Variants in TMEM128 observed in about 807,000 individuals in gnomAD.
The protein encoded by TMEM128 is transmembrane protein 128.
In TMEM128, 16 loss-of-function variants were observed where a neutral mutation model predicts 19.7. That is an observed-to-expected ratio of 0.81 (90% CI 0.55 to 1.23). The LOEUF is 1.23. TMEM128 is among the 50% of genes most tolerant of loss of function. TMEM128 has a pLI of 0.00. For synonymous variants in TMEM128, 98 were observed against 75.8 expected (o/e 1.29, Z -1.52); for missense variants, 237 against 200.8 (o/e 1.18, Z -1.09).
intron 3 of TMEM128, among the ~76,000 whole-genome samples, chr4:4,240,088 A>T (rs1717886328): frequency 6.6e-6 from 1 of 152,246 alleles, no homozygotes; most frequent in African/African-American, 2.4e-5. Context: ...AGATTTAAAA[A>T]GCAAAATGCA....
At chr4:4,246,151 C>T in intron 2 of TMEM128, 51 bp downstream of exon 2, 16 of 1,550,458 alleles carry the variant, frequency 1.0e-5, no homozygotes, top group Non-Finnish European at 1.4e-5. Context: ...CAAAATATAA[C>T]ACGAAAAATC....
In TMEM128 at chr4:4,236,078, T is replaced by C. The variant is rs1429661830; in HGVS notation, c.*188A>G. On this transcript the variant is annotated 3_prime_UTR_variant, in exon 5 of 5. Transcript: ENST00000382753. The stretch of plus-strand genomic sequence containing the variant: ...CTGCAAAAACACACTGTAGCTTTTC[T>C]GTTAGGGTCTGCCATGCTTTCAGCT... 6.6e-6 allele frequency: 1 copy of C among 152,206 alleles called. No individual in the cohort carries two copies. The allele number at this position is 152,206 out of a possible 1,614,324, so 9.4% of individuals were successfully genotyped here.
At position 4,248,172 on chromosome 4, in the gene TMEM128, G is replaced by A. The variant is rs962520831; in HGVS notation, c.31C>T (p.Arg11Trp). 9.1e-6 allele frequency: 14 copies of A among 1,532,154 alleles called. No homozygotes were observed. In the African/African-American group the frequency reaches 1.7e-4, roughly 18 times the overall value. The allele number at this position is 1,532,154 out of a possible 1,614,324, so 94.9% of individuals were successfully genotyped here. A position where few individuals can be genotyped will look rare whatever the true frequency, so the allele number is the denominator to read the frequency against. MDSSRARQQL[R>W]RRFLLLPDAE... ...TCCGGCAGGAGGAGGAATCGCCGCC[G>A]GAGCTGCTGCCGGGCCCGCGAGGAG... Residue 11 changes from arginine (R) to tryptophan (W), a missense_variant, in exon 1 of 5, where the codon CGG (arginine) becomes TGG (tryptophan). Coordinates refer to ENST00000382753, the MANE Select transcript of TMEM128 (RefSeq NM_001297551.2).
Position 4,245,203 on chromosome 4 carries a change from G to T in TMEM128, c.239+999C>A, listed in dbSNP as rs57584677. On this transcript the variant is annotated intron_variant, in intron 2 of 4. Transcript: ENST00000382753. ...CTCTCCCTTCCATTTCTTATCCAAG[G>T]GTCTCCACATCACTCTCCAATGTGC... Among the ~76,000 whole-genome samples the T allele has an allele frequency of 3.0e-3, 449 of 152,062 alleles. 1 individual carries two copies. Among genetic ancestry groups the T allele is most frequent in the African/African-American group, 0.01 (420 of 41,478 alleles).
chr4:4,238,832 A>G (rs1200550225), intron 3 of TMEM128, among the ~76,000 whole-genome samples: 1 of 152,196 alleles, frequency 6.6e-6, no homozygotes, highest in East Asian at 1.9e-4. Flanking sequence ...CAGGAGTTTG[A>G]GACCTGCCTG....
rs1717711642 is a variant in TMEM128 at position 4,236,200 on chromosome 4, G to A, written c.*66C>T. The A allele has an allele frequency of 6.7e-6, 1 of 150,322 alleles. No individual in the cohort carries two copies. The highest frequency in any genetic ancestry group is 2.1e-4 in the South Asian group (1 of 4,790). 9.3% of individuals were successfully genotyped at this position (150,322 alleles called of 1,614,324 possible). A position where few individuals can be genotyped will look rare whatever the true frequency, so the allele number is the denominator to read the frequency against. The stretch of plus-strand genomic sequence containing the variant: ...AACTACTTCGAAGGCTGAGGCAGGA[G>A]GATCACTTGATCCCAGGAGTTCAAA... On this transcript the variant is annotated 3_prime_UTR_variant, in exon 5 of 5. Transcript: ENST00000382753.
At position 4,235,958 on chromosome 4, in the gene TMEM128, A is replaced by G; in HGVS notation, c.*308T>C. 6.6e-6 allele frequency: 1 copy of G among 152,434 alleles called. No individual in the cohort carries two copies. The highest frequency in any genetic ancestry group is 3.4e-3 in the Middle Eastern group (1 of 294). The allele number at this position is 152,434 out of a possible 1,614,324, so 9.4% of individuals were successfully genotyped here. ...ATCACTGACTTCTGAAAATTTTAAT[A>G]ATTTATGCATATGCAAGTGAAATAT... On this transcript the variant is annotated 3_prime_UTR_variant, in exon 5 of 5. Transcript: ENST00000382753.
intron 1 of TMEM128, chr4:4,247,727 T>C: frequency 2.5e-6 from 4 of 1,589,700 alleles, no homozygotes; most frequent in Non-Finnish European, 2.6e-6. Flanking sequence ...CTTAAACAGC[T>C]TTCTGCTGAC....
At chr4:4,243,883 C>G (rs1265088174) in intron 2 of TMEM128, among the ~76,000 whole-genome samples, 1 of 152,060 alleles carries the variant, frequency 6.6e-6, no homozygotes, top group Non-Finnish European at 1.5e-5. Context: ...TAAAAATACC[C>G]AATATAAGGA....
chr4:4,248,146 G>T lies in TMEM128; in HGVS notation c.57C>A (p.Asp19Glu). 1 of 1,533,930 alleles carries T rather than the reference G, an allele frequency of 6.5e-7. No individual in the cohort carries two copies. The change falls in exon 1 of 5, where the codon GAC (aspartate) becomes GAA (glutamate). Residue 19 changes from aspartate (D) to glutamate (E), a missense_variant. Transcript: ENST00000382753. ...CCTCGCGGTCCAGCTGGGCCTCGGC[G>T]TCCGGCAGGAGGAGGAATCGCCGCC... Reference protein sequence around the residue: ...QLRRRFLLLPDAEAQLDREGD... With the variant: ...QLRRRFLLLPEAEAQLDREGD...
chr4:4,241,594 T>C (rs1176445878), intron 2 of TMEM128, among the ~76,000 whole-genome samples: 4 of 152,198 alleles, frequency 2.6e-5, no homozygotes, highest in African/African-American at 9.6e-5. Flanking sequence ...CTTCCAATAA[T>C]GGCAAGGTTC....
Position 4,241,494 on chromosome 4 carries a change from C to T in TMEM128, c.240-1015G>A, listed in dbSNP as rs964812483. Among the ~76,000 whole-genome samples, 65 of 152,198 alleles carry T rather than the reference C, an allele frequency of 4.3e-4. 1 individual carries two copies. The highest frequency in any genetic ancestry group is 1.5e-3 in the African/African-American group (62 of 41,444). ...CAATCCAATATCCCATCATCATCTG[C>T]TTCTCTATGGGAAAAGCCTGACAAT... On this transcript the variant is annotated intron_variant, in intron 2 of 4. Transcript: ENST00000382753.
rs2108813006 is a variant in TMEM128 at position 4,236,038 on chromosome 4, C to T, written c.*228G>A. ...CAAAGTCACAATTTTCCCCAGGAAA[C>T]CATTCACTTCATAGCTGCAAAAACA... On this transcript the variant is annotated 3_prime_UTR_variant, in exon 5 of 5. Transcript: ENST00000382753. The T allele has an allele frequency of 3.3e-5, 5 of 152,242 alleles. 1 individual carries two copies. The Middle Eastern group carries it at 0.014, about 414-fold the overall frequency. The allele number at this position is 152,242 out of a possible 1,614,324, so 9.4% of individuals were successfully genotyped here.
intron 1 of TMEM128, 138 bp downstream of exon 1, chr4:4,247,968 G>C: frequency 6.9e-7 from 1 of 1,440,560 alleles, no homozygotes; most frequent in Non-Finnish European, 9.1e-7. Flanking sequence ...GCGATTCTAA[G>C]GATCTTCCCT....
At chr4:4,242,522 AAT>A (rs1491573044) in intron 2 of TMEM128, among the ~76,000 whole-genome samples, 2 of 134,516 alleles carry the variant, frequency 1.5e-5, no homozygotes, top group Non-Finnish European at 3.4e-5. Flanking sequence ...AGAAAAAAAA[AAT>A]TTTTTTTTTT....
intron 1 of TMEM128, chr4:4,247,549 T>C (rs1231730267): frequency 6.2e-7 from 1 of 1,613,688 alleles, no homozygotes. Context: ...CAATTTCTAC[T>C]GAATTCTTCC....
chr4:4,245,751 G>GAT (rs965332344), intron 2 of TMEM128, among the ~76,000 whole-genome samples: 26 of 151,334 alleles, frequency 1.7e-4, no homozygotes, highest in Admixed American at 1.4e-3. Context: ...GTGATGACTT[G>GAT]ATATATATAT....
chr4:4,240,586 G>A, intron 2 of TMEM128, 107 bp from the exon 3 acceptor site: 2 of 1,236,678 alleles, frequency 1.6e-6, no homozygotes, highest in Non-Finnish European at 2.2e-6. Context: ...AATATCAAGT[G>A]TTGCAGAGGG....
intron 2 of TMEM128, among the ~76,000 whole-genome samples, chr4:4,244,866 G>A (rs972444514): frequency 2.6e-5 from 4 of 152,196 alleles, no homozygotes; most frequent in Non-Finnish European, 5.9e-5. Flanking sequence ...CCACAAAGGA[G>A]TGAGTGACAT....
Sources: gnomAD v4.1 joint callset for allele counts (sites outside exome capture counted in the v4.1 genomes callset) on GRCh38, gnomAD v4.1.1 for gene constraint, MANE v1.5 for transcripts, NCBI Gene and HGNC (gene_info 2026-07-23, HGNC 2026-07-21) for gene names.